ARGLU1: variants seen among roughly 807,000 people sequenced by gnomAD.
ARGLU1 encodes arginine and glutamate rich 1.
ARGLU1 carries 9 observed loss-of-function variants against 37.6 expected under a neutral mutation model. The observed-to-expected ratio is 0.24, with a 90% CI of 0.14 to 0.42. The LOEUF is 0.42. Ranked by LOEUF, ARGLU1 falls within the 10% of genes least tolerant of loss-of-function variation. The pLI is 1.00. For missense variants in ARGLU1, 211 were observed against 359.2 expected (o/e 0.59, Z 3.34); for synonymous variants, 166 against 138.5 (o/e 1.20, Z -1.39).
Position 106,557,976 on chromosome 13 carries a change from CTTATT to C in ARGLU1, c.574-850_574-846del, listed in dbSNP as rs1476524433. 4 of 985,218 alleles carry C rather than the reference CTTATT, an allele frequency of 4.1e-6. No individual in the cohort carries two copies. The Admixed American group carries it at 2.5e-4, about 61-fold the overall frequency. 61.0% of individuals were successfully genotyped at this position (985,218 alleles called of 1,614,324 possible). On this transcript the variant is annotated intron_variant, in intron 2 of 3. Transcript: ENST00000400198. This position sits in a 1 kb window ranked among gnomAD's most constrained non-coding sequence, Gnocchi z 5.0. ...ATGGTCAGGAAATAAAATTCTTCAA[CTTATT>C]TTTTCTTGGAGAATTTAATGAGATT...
At chr13:106,565,948 A>G (rs1227263117) in intron 1 of ARGLU1, among the ~76,000 whole-genome samples, 1 of 152,156 alleles carries the variant, frequency 6.6e-6, no homozygotes, top group Admixed American at 6.5e-5. Context: ...TTTTTCCTAC[A>G]TATCTTAGCT....
At chr13:106,546,541 G>A (rs904943787) in intron 3 of ARGLU1, among the ~76,000 whole-genome samples, 2 of 152,128 alleles carry the variant, frequency 1.3e-5, no homozygotes, top group South Asian at 2.1e-4. Context: ...GCCTGCTATC[G>A]GTCATCATTA....
intron 1 of ARGLU1, among the ~76,000 whole-genome samples, chr13:106,561,594 TA>T (rs1024799769): frequency 6.6e-6 from 1 of 151,596 alleles, no homozygotes; most frequent in Non-Finnish European, 1.5e-5. Context: ...TACCGACTAT[TA>T]AAAAAAAGGA....
In ARGLU1 at chr13:106,567,723, G is replaced by T. The variant is rs761041918; in HGVS notation, c.197C>A (p.Ser66Tyr). Residue 66 changes from serine (S) to tyrosine (Y), a missense_variant, in exon 1 of 4, where the codon TCC becomes TAC. Transcript: ENST00000400198. This position sits in a 1 kb window ranked among gnomAD's most constrained non-coding sequence, Gnocchi z 4.3. ...GCGCTCCCGGTCCCGCTCGCGCCGG[G>T]ACACGGCCGTGTTGGTGGAGCGCGA... Reference protein sequence around the residue: ...SRSRSTNTAVSRRERDRERAS... With the variant: ...SRSRSTNTAVYRRERDRERAS... 1 of 1,609,080 alleles carries T rather than the reference G, an allele frequency of 6.2e-7. No individual in the cohort carries two copies. The highest frequency in any genetic ancestry group is 2.2e-5 in the East Asian group (1 of 44,516).
intron 3 of ARGLU1, 102 bp from the exon 4 acceptor site, chr13:106,544,262 T>A: frequency 9.7e-7 from 1 of 1,034,340 alleles, no homozygotes; most frequent in East Asian, 3.2e-5. Flanking sequence ...AAAAAATTTT[T>A]AATGCAAATG....
At chr13:106,564,112 C>T (rs564331371) in intron 1 of ARGLU1, among the ~76,000 whole-genome samples, 1 of 152,274 alleles carries the variant, frequency 6.6e-6, no homozygotes, top group African/African-American at 2.4e-5. Flanking sequence ...ATCTTTTGAA[C>T]TGAATTTTGA....
At chr13:106,554,011 C>T (rs1016751931) in intron 3 of ARGLU1, among the ~76,000 whole-genome samples, 11 of 152,116 alleles carry the variant, frequency 7.2e-5, no homozygotes, top group African/African-American at 2.7e-4. Context: ...GTTTCATTTC[C>T]TCACACTCTT....
At chr13:106,544,899 T>A (rs187572313) in intron 3 of ARGLU1, among the ~76,000 whole-genome samples, 1 of 152,216 alleles carries the variant, frequency 6.6e-6, no homozygotes, top group African/African-American at 2.4e-5. Context: ...AAAAGGACAC[T>A]GGTATAACTG....
At chr13:106,555,780 G>C (rs1880647923) in intron 3 of ARGLU1, among the ~76,000 whole-genome samples, 1 of 152,114 alleles carries the variant, frequency 6.6e-6, no homozygotes, top group Non-Finnish European at 1.5e-5. Context: ...AGGGTCAGAA[G>C]GGATCAAGAT....
chr13:106,558,775 G>A, intron 2 of ARGLU1: 1 of 985,286 alleles, frequency 1.0e-6, no homozygotes, highest in Non-Finnish European at 1.2e-6. Context: ...AAAAGGAGTT[G>A]TTAGTAGATA....
intron 3 of ARGLU1, among the ~76,000 whole-genome samples, chr13:106,548,231 GTC>G (rs1016962283): frequency 1.3e-5 from 2 of 152,046 alleles, no homozygotes; most frequent in African/African-American, 4.8e-5. Flanking sequence ...TTTTAATATA[GTC>G]TCTCAAGTGA....
At chr13:106,550,692 TC>T (rs1367640495) in intron 3 of ARGLU1, among the ~76,000 whole-genome samples, 1 of 152,192 alleles carries the variant, frequency 6.6e-6, no homozygotes, top group Non-Finnish European at 1.5e-5. Flanking sequence ...GGAACAAAAA[TC>T]AAAAGTGTTG....
At chr13:106,563,010 A>AAAC (rs1555327368) in intron 1 of ARGLU1, among the ~76,000 whole-genome samples, 21 of 35,734 alleles carry the variant, frequency 5.9e-4, no homozygotes, top group African/African-American at 1.1e-3. Flanking sequence ...AAAAAAAAAC[A>AAAC]AAAAAAAAAA....
At chr13:106,555,512 T>C (rs1880640241) in intron 3 of ARGLU1, among the ~76,000 whole-genome samples, 1 of 152,220 alleles carries the variant, frequency 6.6e-6, no homozygotes, top group Admixed American at 6.5e-5. Context: ...TTAAGGGTTT[T>C]AGAAGTTTTT....
chr13:106,551,985 A>G (rs1168803339), intron 3 of ARGLU1, among the ~76,000 whole-genome samples: 1 of 152,214 alleles, frequency 6.6e-6, no homozygotes, highest in South Asian at 2.1e-4. Context: ...TCCTTGTCAT[A>G]TATGGGCACA....
chr13:106,564,563 T>A (rs1880907773), intron 1 of ARGLU1, among the ~76,000 whole-genome samples: 1 of 152,220 alleles, frequency 6.6e-6, no homozygotes. Context: ...ATTTTTACCA[T>A]ATTTCTTTCT....
intron 3 of ARGLU1, among the ~76,000 whole-genome samples, chr13:106,545,217 A>C (rs552573908): frequency 1.3e-5 from 2 of 152,290 alleles, no homozygotes; most frequent in East Asian, 3.9e-4. Flanking sequence ...CACAACAAAG[A>C]ATGATCCAAT....
At chr13:106,562,864 T>C (rs1880849843) in intron 1 of ARGLU1, among the ~76,000 whole-genome samples, 2 of 150,920 alleles carry the variant, frequency 1.3e-5, no homozygotes, top group Non-Finnish European at 3.0e-5. Context: ...AAAATAAAAA[T>C]TAGCTGGGTG....
At position 106,543,750 on chromosome 13, in the gene ARGLU1, G is replaced by C; in HGVS notation, c.*246C>G. 1 of 368,882 alleles carries C rather than the reference G, an allele frequency of 2.7e-6. No homozygotes were observed. Among genetic ancestry groups the C allele is most frequent in the Middle Eastern group, 7.5e-4 (1 of 1,326 alleles). 22.9% of individuals were successfully genotyped at this position (368,882 alleles called of 1,614,324 possible). On this transcript the variant is annotated 3_prime_UTR_variant, in exon 4 of 4. Transcript: ENST00000400198. ...TGCTCTTCCTCAGACCACTAATATA[G>C]AATCCAAACAGGTGAAAAATACGTC...
Sources: gnomAD v4.1 joint callset for allele counts (sites outside exome capture counted in the v4.1 genomes callset) on GRCh38, gnomAD v4.1.1 for gene constraint, Gnocchi (gnomAD v3.1) non-coding constraint, MANE v1.5 for transcripts, NCBI Gene and HGNC (gene_info 2026-07-23, HGNC 2026-07-21) for gene names.